Variants in ARMH3 observed in about 807,000 individuals in gnomAD.
ARMH3 encodes the protein armadillo like helical domain containing 3, also known as armadillo-like helical domain-containing protein 3.
A neutral mutation model predicts 99.1 loss-of-function variants in ARMH3; 60 were observed. The ratio of observed to expected loss-of-function variants is 0.61; its 90% CI spans 0.49 to 0.75. The LOEUF is 0.75. ARMH3 is among the 30% of genes least tolerant of loss of function. The pLI, the probability that ARMH3 is intolerant of heterozygous loss-of-function variation, is 0.00. For synonymous variants in ARMH3, 285 were observed against 292.8 expected (o/e 0.97, Z 0.27); for missense variants, 679 against 843.1 (o/e 0.81, Z 2.41).
intron 22 of ARMH3, among the ~76,000 whole-genome samples, chr10:101,952,965 C>CACACTGCAACATGT (rs1378027120): frequency 6.6e-6 from 1 of 152,198 alleles, no homozygotes; most frequent in African/African-American, 2.4e-5. Flanking sequence ...AAGGTTCATA[C>CACACTGCAACATGT]ACACTGCAAC....
chr10:101,857,924 G>A (rs571251036), intron 24 of ARMH3, among the ~76,000 whole-genome samples: 1 of 152,342 alleles, frequency 6.6e-6, no homozygotes, highest in Admixed American at 6.5e-5. Context: ...ATGAGGAATA[G>A]CCCTCTTTTC....
intron 16 of ARMH3, among the ~76,000 whole-genome samples, chr10:101,994,462 C>G (rs1846962326): frequency 6.6e-6 from 1 of 152,022 alleles, no homozygotes. Flanking sequence ...GAGAAAAGAG[C>G]AGAGTGGGGA....
At chr10:101,871,468 T>C (rs951691269) in intron 24 of ARMH3, among the ~76,000 whole-genome samples, 2 of 152,210 alleles carry the variant, frequency 1.3e-5, no homozygotes, top group African/African-American at 4.8e-5. Flanking sequence ...TTTAGACGTA[T>C]AGACCAATGG....
At chr10:101,968,297 G>A (rs556982428) in intron 20 of ARMH3, among the ~76,000 whole-genome samples, 28 of 152,066 alleles carry the variant, frequency 1.8e-4, no homozygotes, top group Non-Finnish European at 2.5e-4. Context: ...TCCTAAAGGA[G>A]TGATAGCCAA....
Position 102,025,630 on chromosome 10 carries a change from G to GTTTCT in ARMH3, c.415-387_415-383dup, listed in dbSNP as rs537659996. 6.5e-3 allele frequency among the ~76,000 whole-genome samples: 985 copies of GTTTCT among 151,970 alleles called. 8 individuals are homozygous for GTTTCT. Among genetic ancestry groups the GTTTCT allele is most frequent in the African/African-American group, 0.015 (610 of 41,486 alleles). ...ACCTAATGGTTAAATAATTGTATAT[G>GTTTCT]TTTCTTTTCTTTTCTTTTCTTTTCT... On this transcript the variant is annotated intron_variant, in intron 5 of 25. Transcript: ENST00000370033.
At chr10:102,046,304 G>C (rs955668826) in intron 1 of ARMH3, among the ~76,000 whole-genome samples, 1 of 142,866 alleles carries the variant, frequency 7.0e-6, no homozygotes, top group Non-Finnish European at 1.5e-5. Flanking sequence ...AAGAAAGAGA[G>C]AAAGAGAGAA....
At chr10:102,037,513 AAAG>A (rs1479741892) in intron 2 of ARMH3, among the ~76,000 whole-genome samples, 3 of 152,054 alleles carry the variant, frequency 2.0e-5, no homozygotes, top group Non-Finnish European at 4.4e-5. Flanking sequence ...AGAATGGCAT[AAAG>A]AAGCAACATC....
intron 23 of ARMH3, among the ~76,000 whole-genome samples, chr10:101,917,941 C>T (rs1006852786): frequency 6.6e-6 from 1 of 152,328 alleles, no homozygotes; most frequent in Middle Eastern, 3.4e-3. Context: ...TTTAGGTTTA[C>T]AGTCGTTTTG....
chr10:101,924,635 G>A (rs763964535), intron 23 of ARMH3, among the ~76,000 whole-genome samples: 1 of 151,722 alleles, frequency 6.6e-6, no homozygotes, highest in Non-Finnish European at 1.5e-5. Flanking sequence ...GATTATAGGC[G>A]TGAGCCACCA....
At chr10:101,860,237 G>T (rs1282525192) in intron 24 of ARMH3, among the ~76,000 whole-genome samples, 4 of 151,854 alleles carry the variant, frequency 2.6e-5, no homozygotes, top group Non-Finnish European at 5.9e-5. Context: ...AGGTGGAGAT[G>T]ATATATATAG....
At chr10:101,899,391 G>T (rs546230151) in intron 23 of ARMH3, among the ~76,000 whole-genome samples, 2 of 152,192 alleles carry the variant, frequency 1.3e-5, no homozygotes, top group Non-Finnish European at 2.9e-5. Flanking sequence ...AAGGGGTAAA[G>T]GTATGACTGA....
At chr10:102,042,167 TC>T (rs2067439505) in intron 1 of ARMH3, among the ~76,000 whole-genome samples, 1 of 152,254 alleles carries the variant, frequency 6.6e-6, no homozygotes, top group African/African-American at 2.4e-5. Flanking sequence ...GAGGAAGATG[TC>T]TTTATCCAGG....
chr10:101,966,102 C>CTTTTTTT (rs1047048779), intron 20 of ARMH3, among the ~76,000 whole-genome samples: 1 of 126,290 alleles, frequency 7.9e-6, no homozygotes, highest in Non-Finnish European at 1.7e-5. Context: ...TTTTTCTTTT[C>CTTTTTTT]TTTTTTTTTT....
At chr10:101,939,563 G>T (rs1227953276) in intron 23 of ARMH3, among the ~76,000 whole-genome samples, 3 of 152,090 alleles carry the variant, frequency 2.0e-5, no homozygotes, top group Admixed American at 6.6e-5. Context: ...TTGGAGAAAA[G>T]TTTTCAGATG....
intron 20 of ARMH3, among the ~76,000 whole-genome samples, chr10:101,958,148 T>C (rs1845124246): frequency 6.6e-6 from 1 of 152,226 alleles, no homozygotes; most frequent in African/African-American, 2.4e-5. Flanking sequence ...GACATGTATC[T>C]GTTTCAGACA....
At chr10:101,923,224 C>A (rs1236968099) in intron 23 of ARMH3, among the ~76,000 whole-genome samples, 1 of 152,172 alleles carries the variant, frequency 6.6e-6, no homozygotes, top group Non-Finnish European at 1.5e-5. Flanking sequence ...TTCCTGAAAT[C>A]TGATCACTGA....
chr10:101,909,616 C>T (rs913319189), intron 23 of ARMH3, among the ~76,000 whole-genome samples: 1 of 151,940 alleles, frequency 6.6e-6, no homozygotes, highest in East Asian at 1.9e-4. Context: ...ACCACAGGCG[C>T]GTGCCACCAG....
intron 23 of ARMH3, among the ~76,000 whole-genome samples, chr10:101,935,626 T>C (rs893929199): frequency 1.1e-4 from 16 of 152,326 alleles, no homozygotes; most frequent in Middle Eastern, 3.4e-3. Context: ...TATTGTCAAC[T>C]GGCAAACTAG....
intron 22 of ARMH3, among the ~76,000 whole-genome samples, chr10:101,944,371 A>G (rs1292760725): frequency 6.8e-6 from 1 of 148,090 alleles, no homozygotes; most frequent in African/African-American, 2.5e-5. Flanking sequence ...AAATTTGAAG[A>G]AATTATAGCC....
Sources: gnomAD v4.1 joint callset for allele counts (sites outside exome capture counted in the v4.1 genomes callset) on GRCh38, gnomAD v4.1.1 for gene constraint, MANE v1.5 for transcripts, NCBI Gene and HGNC (gene_info 2026-07-23, HGNC 2026-07-21) for gene names.